ARMH1: variants seen among roughly 807,000 people sequenced by gnomAD.
The protein encoded by ARMH1 is armadillo-like helical domain containing protein 1.
In ARMH1, 34 loss-of-function variants were observed where a neutral mutation model predicts 50.2. The ratio of observed to expected loss-of-function variants is 0.68; its 90% CI spans 0.51 to 0.90. ARMH1 has a LOEUF of 0.90. ARMH1 is among the 40% of genes least tolerant of loss of function. The probability of loss-of-function intolerance (pLI) is 0.00; values close to 1 mark genes in which losing one functional copy is unlikely to be tolerated. For missense variants in ARMH1, 538 were observed against 553.9 expected, an observed-to-expected ratio of 0.97 and a Z score of 0.29; for synonymous variants, 221 against 224.2, an observed-to-expected ratio of 0.99 and a Z score of 0.13.
At chr1:44,702,710 CAAA>C (rs11449439) in intron 5 of ARMH1, among the ~76,000 whole-genome samples, 6 of 90,020 alleles carry the variant, frequency 6.7e-5, no homozygotes, top group Non-Finnish European at 8.8e-5. Flanking sequence ...GACTCCATCT[CAAA>C]AAAAAAAAAA....
intron 2 of ARMH1, among the ~76,000 whole-genome samples, chr1:44,691,759 ATCTTCAC>A (rs754234247): frequency 1.4e-4 from 21 of 152,196 alleles, no homozygotes; most frequent in Non-Finnish European, 2.8e-4. Context: ...CCATATATCC[ATCTTCAC>A]TCATATGCCA....
In ARMH1 at chr1:44,691,673, C is replaced by T. The variant is rs1645663607; in HGVS notation, c.206+1770C>T. Among the ~76,000 whole-genome samples the T allele has an allele frequency of 2.0e-5, 3 of 152,176 alleles. No homozygotes were observed. In the South Asian group the frequency reaches 6.2e-4, roughly 32 times the overall value. ...ATTCAACACCACTCTTGTATGAGGGCTTTCAAATAAGTATCCCTGCCCAAA... is the reference window on the plus strand; with the variant it reads ...ATTCAACACCACTCTTGTATGAGGGTTTTCAAATAAGTATCCCTGCCCAAA... On this transcript the variant is annotated intron_variant, in intron 2 of 11. Transcript: ENST00000535358.
At chr1:44,684,936 G>T (rs1645420976) in intron 1 of ARMH1, among the ~76,000 whole-genome samples, 1 of 152,096 alleles carries the variant, frequency 6.6e-6, no homozygotes, top group African/African-American at 2.4e-5. Flanking sequence ...CCATGGCGAG[G>T]TGTCTGTAAT....
chr1:44,722,515 C>T (rs1392128557), intron 6 of ARMH1, among the ~76,000 whole-genome samples: 4 of 150,414 alleles, frequency 2.7e-5, no homozygotes, highest in Non-Finnish European at 5.9e-5. Context: ...GAGGCCTGAG[C>T]ACTTTGGGAG....
chr1:44,721,852 T>G (rs563780566), intron 6 of ARMH1: 12 of 152,302 alleles, frequency 7.9e-5, no homozygotes, highest in Admixed American at 6.5e-4. Flanking sequence ...TCCACGGAAA[T>G]CTTTAGTAAA....
In ARMH1 at chr1:44,725,184, A is replaced by G. The variant is rs1242350248; in HGVS notation, c.1177A>G (p.Ile393Val). Reference protein sequence around the residue: ...YMKIDSIQADILAANTVNVTK... With the variant: ...YMKIDSIQADVLAANTVNVTK... ...GAAAATAGACAGCATTCAGGCGGACATCTTGGCGGCCAACACAGTCAATGT... is the reference window on the plus strand; with the variant it reads ...GAAAATAGACAGCATTCAGGCGGACGTCTTGGCGGCCAACACAGTCAATGT... Residue 393 changes from isoleucine to valine, a missense_variant, in exon 11 of 12, where the codon ATC becomes GTC. Ile to Val is a conservative substitution (Grantham distance 29). Coordinates refer to ENST00000535358, the MANE Select transcript of ARMH1 (RefSeq NM_001145636.2). 4 of 1,552,032 alleles carry G rather than the reference A, an allele frequency of 2.6e-6. No individual in the cohort carries two copies. The highest frequency in any genetic ancestry group is 3.5e-6 in the Non-Finnish European group (4 of 1,147,034).
At chr1:44,712,221 A>T (rs934411296) in intron 6 of ARMH1, among the ~76,000 whole-genome samples, 1 of 152,144 alleles carries the variant, frequency 6.6e-6, no homozygotes, top group Non-Finnish European at 1.5e-5. Context: ...AACTTTGGGA[A>T]TCCAAGGCGG....
At chr1:44,690,432 C>T (rs1345972013) in intron 2 of ARMH1, among the ~76,000 whole-genome samples, 1 of 152,138 alleles carries the variant, frequency 6.6e-6, no homozygotes, top group Non-Finnish European at 1.5e-5. Context: ...ACCTCTTTTG[C>T]TCCCATCAGA....
chr1:44,709,475 A>T (rs1388213723), intron 6 of ARMH1, among the ~76,000 whole-genome samples: 1 of 152,178 alleles, frequency 6.6e-6, no homozygotes, highest in Admixed American at 6.5e-5. Flanking sequence ...GATCGAGACC[A>T]TCCTGGCTAA....
intron 4 of ARMH1, among the ~76,000 whole-genome samples, chr1:44,700,523 A>G (rs935914645): frequency 2.2e-4 from 34 of 151,378 alleles, no homozygotes; most frequent in Non-Finnish European, 2.7e-4. Context: ...GGCTGAGGCA[A>G]GAGAATCGCT....
intron 1 of ARMH1, among the ~76,000 whole-genome samples, chr1:44,676,150 T>C (rs531202893): frequency 1.3e-5 from 2 of 152,166 alleles, no homozygotes; most frequent in African/African-American, 4.8e-5. Flanking sequence ...GGTTACTAAT[T>C]GGGTGTGGGG....
chr1:44,707,033 G>A (rs1352249996), intron 6 of ARMH1, among the ~76,000 whole-genome samples: 1 of 151,948 alleles, frequency 6.6e-6, no homozygotes, highest in Admixed American at 6.6e-5. Flanking sequence ...CCCTGACCCT[G>A]CCTTCAACCC....
At position 44,700,824 on chromosome 1, in the gene ARMH1, G is replaced by T. The variant is rs192194233; in HGVS notation, c.443-99G>T. Reference sequence around the variant, plus strand: ...AATTTTGCTTTGGTTGAACAGGCTTGGTTGAAGAGCTTTTAATCCTATTCA... The same window carrying T: ...AATTTTGCTTTGGTTGAACAGGCTTTGTTGAAGAGCTTTTAATCCTATTCA... On this transcript the variant is annotated intron_variant, in intron 4 of 11. Coordinates refer to ENST00000535358, the MANE Select transcript of ARMH1 (RefSeq NM_001145636.2). 1.4e-4 allele frequency: 153 copies of T among 1,091,012 alleles called. No homozygotes were observed. In the East Asian group the frequency reaches 3.1e-3, roughly 22 times the overall value. 67.6% of individuals were successfully genotyped at this position (1,091,012 alleles called of 1,614,324 possible). A position where few individuals can be genotyped will look rare whatever the true frequency, so the allele number is the denominator to read the frequency against.
chr1:44,725,066 C>G lies in ARMH1; in HGVS notation c.1129-70C>G. ...CCCGCCCCCCACCTGCAACATCCCT[C>G]TGCCAAGCCCAACTCCAAGTCCAGA... On this transcript the variant is annotated intron_variant, in intron 10 of 11. Transcript: ENST00000535358. 4 of 1,546,050 alleles carry G rather than the reference C, an allele frequency of 2.6e-6. 1 individual carries two copies. The South Asian group carries it at 3.6e-5, about 14-fold the overall frequency.
At chr1:44,721,889 AG>A (rs1557570285) in intron 6 of ARMH1, 61 of 152,328 alleles carry the variant, frequency 4.0e-4, no homozygotes, top group African/African-American at 1.4e-3. Flanking sequence ...CGTTATGAAG[AG>A]AAACCAGAGA....
At chr1:44,705,864 G>A (rs900927419) in intron 6 of ARMH1, among the ~76,000 whole-genome samples, 3 of 152,172 alleles carry the variant, frequency 2.0e-5, no homozygotes, top group African/African-American at 7.2e-5. Flanking sequence ...GAGCCGTGGA[G>A]AATAGGGAGG....
chr1:44,713,489 G>A (rs1035903929), intron 6 of ARMH1, among the ~76,000 whole-genome samples: 7 of 152,122 alleles, frequency 4.6e-5, no homozygotes, highest in Non-Finnish European at 8.8e-5. Flanking sequence ...TCATTGAACA[G>A]CAGTCAGAAG....
In ARMH1 at chr1:44,704,092, A is replaced by G. The variant is rs756333582; in HGVS notation, c.643A>G (p.Ile215Val). ...SLQTLRTAQP[I>V]IGTTHPSIVD... is the part of the protein sequence containing the mutation. ...GTCCTGTTGTCTGTCTGGTCAGCCA[A>G]TCATTGGGACCACACACCCCAGCAT... The change falls in exon 6 of 12, where the codon ATC (isoleucine) becomes GTC (valine). Residue 215 changes from isoleucine to valine, a missense_variant. Physicochemically the swap from Ile to Val is conservative, Grantham distance 29. Coordinates refer to ENST00000535358, the MANE Select transcript of ARMH1 (RefSeq NM_001145636.2). 50 of 1,550,618 alleles carry G rather than the reference A, an allele frequency of 3.2e-5. No homozygotes were observed. Among genetic ancestry groups the G allele is most frequent in the African/African-American group, 4.1e-5 (3 of 72,914 alleles).
intron 4 of ARMH1, 112 bp from the exon 5 acceptor site, chr1:44,700,811 G>C (rs543698474): frequency 1.1e-5 from 11 of 964,812 alleles, no homozygotes; most frequent in East Asian, 2.7e-5. Context: ...TTTTGCTTTG[G>C]TTGAACAGGC....
Sources: allele counts gnomAD v4.1 joint callset (sites outside exome capture counted in the v4.1 genomes callset), GRCh38; gene constraint gnomAD v4.1.1; transcripts MANE v1.5; gene names NCBI Gene and HGNC (gene_info 2026-07-23, HGNC 2026-07-21).